Variants in PHF21A observed in about 807,000 individuals in gnomAD.
PHF21A encodes PHD finger protein 21A.
PHF21A carries 11 observed loss-of-function variants against 82.5 expected under a neutral mutation model. The observed-to-expected ratio is 0.13, with a 90% CI of 0.08 to 0.22. PHF21A has a LOEUF of 0.22. PHF21A is among the 10% of genes least tolerant of loss of function. PHF21A has a pLI of 1.00. For synonymous variants in PHF21A, 297 were observed against 302.8 expected (o/e 0.98, Z 0.20); for missense variants, 579 against 837.8 (o/e 0.69, Z 3.81).
intron 5 of PHF21A, 49 bp downstream of exon 5, chr11:46,079,085 A>T: frequency 1.7e-6 from 2 of 1,169,744 alleles, no homozygotes; most frequent in Non-Finnish European, 2.5e-6. Context: ...ATTTTATTTT[A>T]AATTATTTTT....
chr11:45,935,739 GCTAA>G lies in PHF21A; in HGVS notation c.1685-4_1685-1del. ...TAACTTCTGTTTCTCTTCTTCTTTT[GCTAA>G]AAAAAAAAAAAAAAAAAAAAAGGAA... On this transcript the variant is annotated splice_acceptor_variant and splice_polypyrimidine_tract_variant and intron_variant, in intron 17 of 18. Coordinates refer to ENST00000676320, the MANE Select transcript of PHF21A (RefSeq NM_001352027.3). LOFTEE classifies it high-confidence loss of function. 4.4e-6 allele frequency: 2 copies of G among 459,560 alleles called. No individual in the cohort carries two copies. The highest frequency in any genetic ancestry group is 6.2e-6 in the Non-Finnish European group (2 of 320,158). The allele number at this position is 459,560 out of a possible 1,614,324, so 28.5% of individuals were successfully genotyped here. A position where few individuals can be genotyped will look rare whatever the true frequency, so the allele number is the denominator to read the frequency against.
intron 3 of PHF21A, 102 bp from the exon 4 acceptor site, chr11:46,084,404 C>A: frequency 2.2e-6 from 1 of 451,218 alleles, no homozygotes; most frequent in Non-Finnish European, 3.8e-6. Context: ...TTCTCTAACG[C>A]AGGGCAAGAA....
Position 45,985,587 on chromosome 11 carries a change from C to T in PHF21A, c.154-5621G>A, listed in dbSNP as rs566107636. 2.0e-5 allele frequency among the ~76,000 whole-genome samples: 3 copies of T among 152,320 alleles called. No homozygotes were observed. The East Asian group carries it at 5.8e-4, about 29-fold the overall frequency. On this transcript the variant is annotated intron_variant, in intron 6 of 18. Coordinates refer to ENST00000676320, the MANE Select transcript of PHF21A (RefSeq NM_001352027.3). ...TAACAGAGGAAGACAGGGAGGAATA[C>T]TGGTGGCAGAAGCTATAAAAATATA...
At chr11:46,115,516 T>G (rs2097278152) in intron 1 of PHF21A, among the ~76,000 whole-genome samples, 1 of 152,208 alleles carries the variant, frequency 6.6e-6, no homozygotes, top group Non-Finnish European at 1.5e-5. Context: ...GTTAACATAT[T>G]ATCTCTTTTT....
At chr11:46,064,422 T>C (rs1479972559) in intron 6 of PHF21A, among the ~76,000 whole-genome samples, 2 of 152,158 alleles carry the variant, frequency 1.3e-5, no homozygotes, top group Non-Finnish European at 2.9e-5. Context: ...AATCCCTCTC[T>C]CCTTTTCAGA....
intron 8 of PHF21A, 128 bp from the exon 9 acceptor site, chr11:45,970,032 A>T (rs2093660642): frequency 1.4e-6 from 1 of 732,244 alleles, no homozygotes; most frequent in Non-Finnish European, 2.4e-6. Flanking sequence ...TAAGTTAATC[A>T]TCTGAATTAA....
Position 45,948,945 on chromosome 11 carries a change from C to G in PHF21A, c.1229G>C (p.Arg410Pro). 6.2e-7 allele frequency: 1 copy of G among 1,613,540 alleles called. No individual in the cohort carries two copies. The highest frequency in any genetic ancestry group is 8.5e-7 in the Non-Finnish European group (1 of 1,179,494). ...VYSGAVFEPERKKSAVTYLNS... is the reference protein window; with the variant it reads ...VYSGAVFEPEPKKSAVTYLNS... The stretch of plus-strand genomic sequence containing the variant: ...TAGGTATGTCACTGCACTCTTCTTA[C>G]GCTTTGAGGGTTGAAGGAGGAAAGG... Residue 410 changes from arginine to proline, a missense_variant and splice_region_variant, in exon 14 of 19, where the codon CGT (arginine) becomes CCT (proline). Physicochemically the swap from Arg to Pro is moderately radical, Grantham distance 103. This residue lies in a region of PHF21A where 410 missense variants were observed against 642.1 expected (regional missense o/e 0.64). Coordinates refer to ENST00000676320, the MANE Select transcript of PHF21A (RefSeq NM_001352027.3).
At chr11:46,032,367 G>A (rs1046611067) in intron 6 of PHF21A, among the ~76,000 whole-genome samples, 1 of 151,870 alleles carries the variant, frequency 6.6e-6, no homozygotes, top group Non-Finnish European at 1.5e-5. Flanking sequence ...ACTGCATAGT[G>A]TGCTACCATG....
At chr11:45,996,446 T>C (rs548816661) in intron 6 of PHF21A, among the ~76,000 whole-genome samples, 1 of 152,272 alleles carries the variant, frequency 6.6e-6, no homozygotes, top group African/African-American at 2.4e-5. Context: ...GGTTAAGAAC[T>C]AGCACTAAGT....
intron 6 of PHF21A, among the ~76,000 whole-genome samples, chr11:46,057,372 C>A (rs1209700215): frequency 6.6e-6 from 1 of 152,074 alleles, no homozygotes; most frequent in Non-Finnish European, 1.5e-5. Flanking sequence ...TGACTATTTT[C>A]TCAATTATCA....
At chr11:45,988,461 C>T (rs2094569268) in intron 6 of PHF21A, among the ~76,000 whole-genome samples, 1 of 152,146 alleles carries the variant, frequency 6.6e-6, no homozygotes, top group Non-Finnish European at 1.5e-5. Context: ...TTGTATATAA[C>T]TAAACACTGG....
chr11:46,014,848 C>T (rs1482238488), intron 6 of PHF21A, among the ~76,000 whole-genome samples: 1 of 97,890 alleles, frequency 1.0e-5, no homozygotes, highest in Non-Finnish European at 1.8e-5. Flanking sequence ...GGCGTAGTGG[C>T]GGGCGCCTGT....
At chr11:46,023,678 AG>A (rs1255411557) in intron 6 of PHF21A, among the ~76,000 whole-genome samples, 1 of 152,206 alleles carries the variant, frequency 6.6e-6, no homozygotes, top group Non-Finnish European at 1.5e-5. Context: ...AATGGAGGCC[AG>A]GCGCAGTGGC....
intron 6 of PHF21A, among the ~76,000 whole-genome samples, chr11:45,983,875 G>A (rs1222321684): frequency 6.6e-6 from 1 of 152,068 alleles, no homozygotes; most frequent in African/African-American, 2.4e-5. Flanking sequence ...GGTTCTCACT[G>A]CTCCCTATAT....
At chr11:46,100,289 G>A (rs1297244247) in intron 1 of PHF21A, among the ~76,000 whole-genome samples, 2 of 151,930 alleles carry the variant, frequency 1.3e-5, no homozygotes, top group South Asian at 2.1e-4. Flanking sequence ...AAAATCCCAT[G>A]AGCATGGACT....
At chr11:46,061,976 A>C (rs1215999721) in intron 6 of PHF21A, among the ~76,000 whole-genome samples, 1 of 152,162 alleles carries the variant, frequency 6.6e-6, no homozygotes, top group African/African-American at 2.4e-5. Flanking sequence ...ACTGGAAATC[A>C]CTGCTTTTCA....
At chr11:45,968,337 T>C (rs939687161) in intron 9 of PHF21A, among the ~76,000 whole-genome samples, 7 of 152,216 alleles carry the variant, frequency 4.6e-5, no homozygotes, top group African/African-American at 1.7e-4. Context: ...GGTTCTTGCA[T>C]AGCCTACAAG....
At chr11:45,945,509 C>T (rs895422327) in intron 15 of PHF21A, among the ~76,000 whole-genome samples, 1 of 152,200 alleles carries the variant, frequency 6.6e-6, no homozygotes, top group Non-Finnish European at 1.5e-5. Context: ...TCCCAAAACA[C>T]TGATGATAGA....
chr11:45,968,224 G>A (rs1360332585), intron 9 of PHF21A, among the ~76,000 whole-genome samples: 1 of 152,158 alleles, frequency 6.6e-6, no homozygotes, highest in African/African-American at 2.4e-5. Context: ...TTTATTCTCT[G>A]CACAGAGGCA....
Sources: allele counts gnomAD v4.1 joint callset (sites outside exome capture counted in the v4.1 genomes callset), GRCh38; gene constraint gnomAD v4.1.1; regional missense constraint gnomAD v4.1.1; transcripts MANE v1.5; gene names NCBI Gene and HGNC (gene_info 2026-07-23, HGNC 2026-07-21).